SLC9C2: variants seen among roughly 807,000 people sequenced by gnomAD.
SLC9C2 encodes the protein solute carrier family 9 member C2 (putative).
In SLC9C2, 75 loss-of-function variants were observed where a neutral mutation model predicts 140.2. The observed-to-expected ratio is 0.53, with a 90% CI of 0.44 to 0.65. SLC9C2 has a LOEUF of 0.65. Ranked by LOEUF, SLC9C2 falls within the 30% of genes least tolerant of loss-of-function variation. SLC9C2 has a pLI of 0.00. For missense variants in SLC9C2, 1,074 were observed against 1,331.8 expected (o/e 0.81, Z 3.01); for synonymous variants, 375 against 420.9 (o/e 0.89, Z 1.34).
intron 25 of SLC9C2, among the ~76,000 whole-genome samples, chr1:173,506,647 C>T (rs1275809162): frequency 1.3e-5 from 2 of 152,244 alleles, no homozygotes; most frequent in African/African-American, 4.8e-5. Flanking sequence ...CAGATTTCAG[C>T]TCCCTGTCCC....
intron 9 of SLC9C2, among the ~76,000 whole-genome samples, chr1:173,569,261 C>T (rs1291216691): frequency 1.3e-5 from 2 of 151,922 alleles, no homozygotes; most frequent in South Asian, 2.1e-4. Context: ...TTGATCAATT[C>T]TGCTATTAAG....
At chr1:173,546,315 T>C (rs1306586616) in intron 13 of SLC9C2, among the ~76,000 whole-genome samples, 2 of 152,226 alleles carry the variant, frequency 1.3e-5, no homozygotes, top group African/African-American at 2.4e-5. Flanking sequence ...GGCAGATCAC[T>C]TGAGGCCAGA....
intron 3 of SLC9C2, among the ~76,000 whole-genome samples, chr1:173,599,210 C>T (rs1319848891): frequency 6.6e-6 from 1 of 151,950 alleles, no homozygotes; most frequent in Non-Finnish European, 1.5e-5. Context: ...GCTCCGCTTC[C>T]CGGGTTCACG....
At chr1:173,577,743 G>A (rs1433358925) in intron 7 of SLC9C2, among the ~76,000 whole-genome samples, 3 of 152,156 alleles carry the variant, frequency 2.0e-5, no homozygotes, top group East Asian at 1.9e-4. Flanking sequence ...CAATGAATAA[G>A]TGATAATACT....
rs1286285873 is a variant in SLC9C2, at chr1:173,504,772, A to T, written c.3310+475T>A. Among the ~76,000 whole-genome samples the T allele has an allele frequency of 3.3e-5, 5 of 152,204 alleles. No individual in the cohort carries two copies. The East Asian group carries it at 9.6e-4, about 29-fold the overall frequency. On this transcript the variant is annotated intron_variant, in intron 26 of 27. Transcript: ENST00000367714. Reference sequence around the variant, plus strand: ...CTAATAAATGTAACTATAGCTACTCAGTGACTATCAAGGCATACTCAAGGC... The same window carrying T: ...CTAATAAATGTAACTATAGCTACTCTGTGACTATCAAGGCATACTCAAGGC...
At chr1:173,578,493 G>A (rs545912375) in intron 7 of SLC9C2, among the ~76,000 whole-genome samples, 1 of 152,342 alleles carries the variant, frequency 6.6e-6, no homozygotes, top group African/African-American at 2.4e-5. Context: ...AGGACTGCCT[G>A]AGGTTGTTTT....
At chr1:173,519,660 C>T (rs575407201) in intron 22 of SLC9C2, among the ~76,000 whole-genome samples, 5 of 152,292 alleles carry the variant, frequency 3.3e-5, no homozygotes, top group South Asian at 2.1e-4. Context: ...TTTTAAGTAT[C>T]GGACTTGCCG....
chr1:173,557,513 G>A lies in SLC9C2; in HGVS notation c.1047-5C>T. ...ACTAACAAAATAGTAAGCAACCTGT[G>A]GAGAGGGAAACATTAAAAATAAATC... On this transcript the variant is annotated splice_polypyrimidine_tract_variant and splice_region_variant and intron_variant, in intron 9 of 27. Transcript: ENST00000367714. The A allele has an allele frequency of 6.2e-7, 1 of 1,604,604 alleles. No individual in the cohort carries two copies. The highest frequency in any genetic ancestry group is 8.5e-7 in the Non-Finnish European group (1 of 1,176,862).
At chr1:173,519,857 T>C (rs1248379695) in intron 22 of SLC9C2, among the ~76,000 whole-genome samples, 1 of 151,896 alleles carries the variant, frequency 6.6e-6, no homozygotes, top group Non-Finnish European at 1.5e-5. Context: ...ATGTAAAAAA[T>C]AGGGTTGTTG....
intron 9 of SLC9C2, among the ~76,000 whole-genome samples, chr1:173,559,898 C>T (rs1444196124): frequency 6.6e-6 from 1 of 152,126 alleles, no homozygotes; most frequent in Non-Finnish European, 1.5e-5. Flanking sequence ...AATCTCAACC[C>T]CCTCTATAAT....
At chr1:173,504,742 G>C (rs1659510758) in intron 26 of SLC9C2, among the ~76,000 whole-genome samples, 2 of 152,152 alleles carry the variant, frequency 1.3e-5, no homozygotes, top group Admixed American at 1.3e-4. Flanking sequence ...GCATGCAGTT[G>C]GATGCTAATA....
chr1:173,560,947 C>A (rs1664065160), intron 9 of SLC9C2, among the ~76,000 whole-genome samples: 1 of 152,060 alleles, frequency 6.6e-6, no homozygotes, highest in African/African-American at 2.4e-5. Flanking sequence ...CAGGCATGTG[C>A]AACCACGCCC....
chr1:173,505,388 TGC>T (rs1659563181), intron 25 of SLC9C2, 57 bp from the exon 26 acceptor site: 1 of 1,312,164 alleles, frequency 7.6e-7, no homozygotes, highest in Non-Finnish European at 1.1e-6. Context: ...CTAACCTGGC[TGC>T]TTCCTAATCT....
chr1:173,598,532 T>A (rs972277140), intron 3 of SLC9C2, among the ~76,000 whole-genome samples: 2 of 152,168 alleles, frequency 1.3e-5, no homozygotes, highest in Non-Finnish European at 2.9e-5. Flanking sequence ...AAGACATAAA[T>A]CATGAAGGTT....
At chr1:173,517,462 A>C in intron 23 of SLC9C2, 75 bp downstream of exon 23, 8 of 1,427,226 alleles carry the variant, frequency 5.6e-6, no homozygotes, top group South Asian at 1.5e-5. Context: ...TCAAAACCCC[A>C]AAAAAGAAAA....
chr1:173,556,239 C>CAA (rs1258877926), intron 10 of SLC9C2, among the ~76,000 whole-genome samples: 2 of 152,152 alleles, frequency 1.3e-5, no homozygotes, highest in Admixed American at 1.3e-4. Flanking sequence ...AGTGCTGTCA[C>CAA]AAATGACAAG....
At chr1:173,511,088 G>A (rs60043192) in intron 23 of SLC9C2, among the ~76,000 whole-genome samples, 28,562 of 136,284 alleles carry the variant, frequency 0.21, 3,948 homozygotes, top group East Asian at 0.64. Flanking sequence ...AAGCTGGAGT[G>A]CAGTGGTGCA....
At chr1:173,559,946 C>T (rs1020983164) in intron 9 of SLC9C2, among the ~76,000 whole-genome samples, 9 of 152,192 alleles carry the variant, frequency 5.9e-5, no homozygotes, top group African/African-American at 2.2e-4. Flanking sequence ...TTGTCATAAC[C>T]TCCATCATCT....
chr1:173,549,461 A>G (rs895296982), intron 11 of SLC9C2, among the ~76,000 whole-genome samples: 2 of 152,246 alleles, frequency 1.3e-5, no homozygotes, highest in African/African-American at 2.4e-5. Flanking sequence ...CATTTGCCCA[A>G]TTAGATCCCA....
Sources: allele counts gnomAD v4.1 joint callset (sites outside exome capture counted in the v4.1 genomes callset), GRCh38; gene constraint gnomAD v4.1.1; transcripts MANE v1.5; gene names NCBI Gene and HGNC (gene_info 2026-07-23, HGNC 2026-07-21).